Variants in PDE6D observed in about 807,000 individuals in gnomAD.
The protein encoded by PDE6D is phosphodiesterase 6D.
Under a neutral mutation model 21.9 loss-of-function variants are expected in PDE6D, and 10 were observed. The observed-to-expected ratio is 0.46, with a 90% CI of 0.28 to 0.78. PDE6D has a LOEUF of 0.78. Ranked by LOEUF, PDE6D falls within the 30% of genes least tolerant of loss-of-function variation. The pLI is 0.12. For missense variants in PDE6D, 139 were observed against 184.8 expected, an observed-to-expected ratio of 0.75 and a Z score of 1.44; for synonymous variants, 59 against 63.5, an observed-to-expected ratio of 0.93 and a Z score of 0.34.
rs758184957 is a variant in PDE6D, at chr2:231,781,054, C to T, written c.50+11G>A. 6.2e-7 allele frequency: 1 copy of T among 1,611,746 alleles called. No homozygotes were observed. Among genetic ancestry groups the T allele is most frequent in the Non-Finnish European group, 8.5e-7 (1 of 1,178,466 alleles). ...AGTCCTCCCGGCCCCGCCCCGCTCCCGGACGGATACAGTTTGAAGCCCCTC... is the reference window on the plus strand; with the variant it reads ...AGTCCTCCCGGCCCCGCCCCGCTCCTGGACGGATACAGTTTGAAGCCCCTC... On this transcript the variant is annotated intron_variant, in intron 1 of 4. Coordinates refer to ENST00000287600, the MANE Select transcript of PDE6D (RefSeq NM_002601.4).
At chr2:231,753,467 C>T (rs2048859067) in intron 1 of PDE6D, among the ~76,000 whole-genome samples, 2 of 152,130 alleles carry the variant, frequency 1.3e-5, no homozygotes, top group South Asian at 2.1e-4. Flanking sequence ...GGGAGAATGG[C>T]GTGAACCTGG....
At chr2:231,758,135 C>T (rs751815818) in intron 1 of PDE6D, among the ~76,000 whole-genome samples, 1 of 151,888 alleles carries the variant, frequency 6.6e-6, no homozygotes, top group South Asian at 2.1e-4. Context: ...ACCTACCTAC[C>T]TGTCTGTCTG....
At chr2:231,775,914 A>G (rs2049052464) in intron 1 of PDE6D, among the ~76,000 whole-genome samples, 1 of 152,240 alleles carries the variant, frequency 6.6e-6, no homozygotes, top group Non-Finnish European at 1.5e-5. Context: ...TCATAAAAGC[A>G]TAATTCATTC....
rs954645099 is a variant in PDE6D, at chr2:231,781,244, A to G, written c.-130T>C. On this transcript the variant is annotated 5_prime_UTR_variant, in exon 1 of 5. Coordinates refer to ENST00000287600, the MANE Select transcript of PDE6D (RefSeq NM_002601.4). The stretch of plus-strand genomic sequence containing the variant: ...GGCTAGCAGCCGCAGCGGCCAGACC[A>G]GGACCGGCCTCTCTCTCCCCTCAGC... 4.4e-5 allele frequency: 35 copies of G among 791,572 alleles called. No individual in the cohort carries two copies. Among genetic ancestry groups the G allele is most frequent in the Admixed American group, 9.3e-5 (4 of 42,904 alleles). The allele number at this position is 791,572 out of a possible 1,614,324, so 49.0% of individuals were successfully genotyped here.
In PDE6D at chr2:231,734,685, TA is replaced by T. The variant is rs534122829; in HGVS notation, c.372-1653del. 2.3e-3 allele frequency among the ~76,000 whole-genome samples: 307 copies of T among 132,188 alleles called. 1 individual carries two copies. Among genetic ancestry groups the T allele is most frequent in the African/African-American group, 5.4e-3 (190 of 35,236 alleles). The allele number at this position is 132,188 out of a possible 152,430, so 86.7% of individuals were successfully genotyped here. ...TGAAACCCCGTCTGTACTAAAAATA[TA>T]AAAAAAAAAAAATAGCCGGGCGTGG... On this transcript the variant is annotated intron_variant, in intron 4 of 4. Transcript: ENST00000287600.
At chr2:231,754,653 T>C (rs1427739813) in intron 1 of PDE6D, among the ~76,000 whole-genome samples, 1 of 150,864 alleles carries the variant, frequency 6.6e-6, no homozygotes, top group Non-Finnish European at 1.5e-5. Flanking sequence ...ATTACAGGTG[T>C]GAGCCACCAC....
intron 1 of PDE6D, among the ~76,000 whole-genome samples, chr2:231,756,602 T>C (rs1329054716): frequency 2.3e-4 from 14 of 60,388 alleles, no homozygotes; most frequent in African/African-American, 5.9e-4. Context: ...TAAACCTGGC[T>C]TTTTTTTTTT....
intron 1 of PDE6D, among the ~76,000 whole-genome samples, chr2:231,754,064 A>G (rs1158687223): frequency 2.6e-5 from 4 of 152,160 alleles, no homozygotes; most frequent in African/African-American, 4.8e-5. Context: ...CAGGGACCCA[A>G]TTAAGTGTTA....
At chr2:231,772,706 G>C (rs984440212) in intron 1 of PDE6D, among the ~76,000 whole-genome samples, 3 of 152,020 alleles carry the variant, frequency 2.0e-5, no homozygotes, top group African/African-American at 7.2e-5. Context: ...AGAACCTAGA[G>C]CTTCCAAGCC....
intron 1 of PDE6D, among the ~76,000 whole-genome samples, chr2:231,776,339 A>G (rs1042818763): frequency 1.3e-5 from 2 of 151,702 alleles, no homozygotes; most frequent in African/African-American, 2.4e-5. Context: ...AAAAAAAAAA[A>G]AAAAGAGTAC....
chr2:231,774,067 G>A (rs993380402), intron 1 of PDE6D, among the ~76,000 whole-genome samples: 4 of 151,978 alleles, frequency 2.6e-5, no homozygotes, highest in African/African-American at 9.7e-5. Context: ...CCGAGTAGCT[G>A]GGATTACAGG....
At chr2:231,768,451 C>T (rs1335788137) in intron 1 of PDE6D, among the ~76,000 whole-genome samples, 1 of 152,040 alleles carries the variant, frequency 6.6e-6, no homozygotes, top group Admixed American at 6.6e-5. Context: ...AGTGCGGTGG[C>T]GTGATCTTGG....
At chr2:231,746,486 A>G (rs976615312) in intron 1 of PDE6D, among the ~76,000 whole-genome samples, 4 of 152,150 alleles carry the variant, frequency 2.6e-5, no homozygotes, top group African/African-American at 9.7e-5. Flanking sequence ...TCTTCTTCCA[A>G]TGTGGCCCAG....
intron 1 of PDE6D, among the ~76,000 whole-genome samples, chr2:231,754,647 C>T: frequency 6.6e-6 from 1 of 150,816 alleles, no homozygotes; most frequent in Non-Finnish European, 1.5e-5. Flanking sequence ...GCTGGCATTA[C>T]AGGTGTGAGC....
intron 1 of PDE6D, among the ~76,000 whole-genome samples, chr2:231,747,226 G>A (rs1180104296): frequency 6.6e-6 from 1 of 152,190 alleles, no homozygotes; most frequent in South Asian, 2.1e-4. Context: ...GAGTAGCTGG[G>A]ATTACAGGCA....
chr2:231,775,716 T>C (rs576472855), intron 1 of PDE6D, among the ~76,000 whole-genome samples: 38 of 152,266 alleles, frequency 2.5e-4, no homozygotes, highest in Middle Eastern at 3.4e-3. Flanking sequence ...ATATCCTTTG[T>C]CCACTTTGAG....
intron 1 of PDE6D, among the ~76,000 whole-genome samples, chr2:231,758,729 G>C (rs1310785520): frequency 6.6e-6 from 1 of 152,064 alleles, no homozygotes; most frequent in Non-Finnish European, 1.5e-5. Context: ...TTACAACAGG[G>C]ATTTCTTAAA....
intron 1 of PDE6D, among the ~76,000 whole-genome samples, chr2:231,749,502 CTTT>C (rs150014433): frequency 4.9e-5 from 6 of 122,932 alleles, no homozygotes; most frequent in Admixed American, 1.7e-4. Context: ...TCAGATGAGA[CTTT>C]TTTTTTTTTT....
At chr2:231,740,592 G>A (rs2048739619) in intron 1 of PDE6D, among the ~76,000 whole-genome samples, 1 of 147,382 alleles carries the variant, frequency 6.8e-6, no homozygotes, top group South Asian at 2.2e-4. Flanking sequence ...GAGGTGAGAG[G>A]ATTGCCTGAG....
Sources: gnomAD v4.1 joint callset for allele counts (sites outside exome capture counted in the v4.1 genomes callset) on GRCh38, gnomAD v4.1.1 for gene constraint, MANE v1.5 for transcripts, NCBI Gene and HGNC (gene_info 2026-07-23, HGNC 2026-07-21) for gene names.